Variants in TMED8 observed in about 807,000 individuals in gnomAD.
The protein encoded by TMED8 is transmembrane p24 trafficking protein family member 8.
In TMED8, 15 loss-of-function variants were observed where a neutral mutation model predicts 32.7. That is an observed-to-expected ratio of 0.46 (90% CI 0.31 to 0.71). TMED8 has a LOEUF of 0.71. Ranked by LOEUF, TMED8 falls within the 30% of genes least tolerant of loss-of-function variation. The probability of loss-of-function intolerance (pLI) is 0.06; values close to 1 mark genes in which losing one functional copy is unlikely to be tolerated. For missense variants in TMED8, 390 were observed against 423.9 expected, an observed-to-expected ratio of 0.92 and a Z score of 0.70; for synonymous variants, 147 against 161.4, an observed-to-expected ratio of 0.91 and a Z score of 0.68.
intron 1 of TMED8, among the ~76,000 whole-genome samples, chr14:77,354,079 T>G (rs1328249561): frequency 6.6e-6 from 1 of 152,214 alleles, no homozygotes; most frequent in Non-Finnish European, 1.5e-5. Context: ...CCTGTGACCA[T>G]GCTGGCTCCC....
chr14:77,343,506 A>C (rs2139602865), intron 4 of TMED8, 23 bp from the exon 5 acceptor site: 1 of 1,609,446 alleles, frequency 6.2e-7, no homozygotes, highest in South Asian at 1.1e-5. Context: ...GCAGCTTAGC[A>C]CTGAGAAACC....
chr14:77,375,065 T>C (rs140444689), intron 1 of TMED8, among the ~76,000 whole-genome samples: 7 of 152,330 alleles, frequency 4.6e-5, no homozygotes, highest in Non-Finnish European at 8.8e-5. Context: ...AAAATGATTG[T>C]TGACATGACT....
chr14:77,359,966 A>C (rs1270935663), intron 1 of TMED8: 2 of 159,272 alleles, frequency 1.3e-5, no homozygotes, highest in Non-Finnish European at 2.7e-5. Flanking sequence ...GCATTCCAAG[A>C]TTGGAACTCC....
At chr14:77,372,932 ATATATATATATATATATATATTTTTT>A (rs1893714634) in intron 1 of TMED8, among the ~76,000 whole-genome samples, 2 of 32,356 alleles carry the variant, frequency 6.2e-5, no homozygotes, top group African/African-American at 3.7e-4. Context: ...ATATATATAT[ATATATATATATATATATATATTTTTT>A]TTTTTTTTTT....
intron 3 of TMED8, among the ~76,000 whole-genome samples, chr14:77,345,210 C>A (rs1892996298): frequency 1.3e-5 from 2 of 152,150 alleles, no homozygotes; most frequent in South Asian, 4.1e-4. Context: ...TGGTCTCGAA[C>A]CCCTGACCTC....
intron 1 of TMED8, among the ~76,000 whole-genome samples, chr14:77,357,373 C>A (rs1055865785): frequency 1.8e-4 from 28 of 152,220 alleles, no homozygotes; most frequent in African/African-American, 1.9e-4. Flanking sequence ...CATTCATGAT[C>A]ATTGTCTAAA....
At chr14:77,364,391 G>GCAT (rs1893504238) in intron 1 of TMED8, among the ~76,000 whole-genome samples, 1 of 152,058 alleles carries the variant, frequency 6.6e-6, no homozygotes. Flanking sequence ...CCACAGGTAT[G>GCAT]CATCACCACA....
chr14:77,341,571 G>A lies in TMED8; in HGVS notation c.*200C>T, dbSNP rs1892899127. 1 of 604,230 alleles carries A rather than the reference G, an allele frequency of 1.7e-6. No homozygotes were observed. The highest frequency in any genetic ancestry group is 2.9e-6 in the Non-Finnish European group (1 of 339,948). 37.4% of individuals were successfully genotyped at this position (604,230 alleles called of 1,614,324 possible). The stretch of plus-strand genomic sequence containing the variant: ...AGAAGGGTATGAGTCAGGGACTACA[G>A]AACAGGGGCACTACACCACCACCTG... On this transcript the variant is annotated 3_prime_UTR_variant, in exon 6 of 6. Transcript: ENST00000216468.
At chr14:77,346,119 C>T (rs188706097) in intron 3 of TMED8, among the ~76,000 whole-genome samples, 135 of 152,268 alleles carry the variant, frequency 8.9e-4, no homozygotes, top group African/African-American at 3.0e-3. Flanking sequence ...CACTCTAACA[C>T]TTCGTTTTCT....
At chr14:77,343,970 C>T (rs1188864712) in intron 3 of TMED8, 147 bp from the exon 4 acceptor site, 49 of 755,916 alleles carry the variant, frequency 6.5e-5, no homozygotes, top group Non-Finnish European at 9.0e-5. Context: ...CCTTCTCTTT[C>T]TTCCAAATAG....
chr14:77,356,144 A>G (rs150314927), intron 1 of TMED8, among the ~76,000 whole-genome samples: 11 of 152,342 alleles, frequency 7.2e-5, no homozygotes, highest in African/African-American at 2.6e-4. Flanking sequence ...CATAGTAACA[A>G]TGAGCTCTTT....
rs1415347103 is a variant in TMED8, at chr14:77,337,821, C to G, written c.*3950G>C. On this transcript the variant is annotated 3_prime_UTR_variant, in exon 6 of 6. Transcript: ENST00000216468. The stretch of plus-strand genomic sequence containing the variant: ...ATTCTCAGCATTCTCTAATTGGACA[C>G]TTGTCAAAAGGAACAGAATGTTAGA... 4.6e-5 allele frequency: 7 copies of G among 152,326 alleles called. No homozygotes were observed. The East Asian group carries it at 1.3e-3, about 29-fold the overall frequency. 9.4% of individuals were successfully genotyped at this position (152,326 alleles called of 1,614,324 possible). A position where few individuals can be genotyped will look rare whatever the true frequency, so the allele number is the denominator to read the frequency against.
In TMED8 at chr14:77,338,075, C is replaced by T. The variant is rs1393711108; in HGVS notation, c.*3696G>A. The T allele has an allele frequency of 6.6e-6, 1 of 152,140 alleles. No individual in the cohort carries two copies. The highest frequency in any genetic ancestry group is 2.4e-5 in the African/African-American group (1 of 41,408). The allele number at this position is 152,140 out of a possible 1,614,324, so 9.4% of individuals were successfully genotyped here. ...ATTACAGGGTGCCTCATATTACCCT[C>T]TTCCCTTTGGAATTTAAATACAACT... On this transcript the variant is annotated 3_prime_UTR_variant, in exon 6 of 6. Coordinates refer to ENST00000216468, the MANE Select transcript of TMED8 (RefSeq NM_213601.3).
chr14:77,351,532 A>T, intron 2 of TMED8, 141 bp downstream of exon 2: 2 of 621,216 alleles, frequency 3.2e-6, no homozygotes, highest in Non-Finnish European at 2.6e-6. Flanking sequence ...AAGTGCTGGG[A>T]TTACAGGCGT....
intron 5 of TMED8, 108 bp from the exon 6 acceptor site, chr14:77,342,096 C>T: frequency 1.2e-6 from 1 of 842,432 alleles, no homozygotes; most frequent in Non-Finnish European, 1.9e-6. Flanking sequence ...GAGATTATTG[C>T]CCTCCTACAG....
rs115983498 is a variant in TMED8 at position 77,347,420 on chromosome 14, C to A, written c.198-942G>T. Among the ~76,000 whole-genome samples the A allele has an allele frequency of 4.9e-3, 744 of 152,336 alleles. 3 individuals are homozygous for A. Among genetic ancestry groups the A allele is most frequent in the African/African-American group, 0.017 (693 of 41,566 alleles). ...TTTTTAAAGCACATTAATCAACAAT[C>A]CCAATGGCTTCAAACACAGCTATGT... is the stretch of plus-strand genomic sequence containing the variant. On this transcript the variant is annotated intron_variant, in intron 2 of 5. Coordinates refer to ENST00000216468, the MANE Select transcript of TMED8 (RefSeq NM_213601.3).
At chr14:77,368,976 T>C (rs1479501070) in intron 1 of TMED8, among the ~76,000 whole-genome samples, 3 of 152,212 alleles carry the variant, frequency 2.0e-5, no homozygotes, top group Admixed American at 6.5e-5. Flanking sequence ...TTTCACTATA[T>C]TGAGATCCGA....
chr14:77,362,771 A>C (rs753094392), intron 1 of TMED8, among the ~76,000 whole-genome samples: 50 of 152,214 alleles, frequency 3.3e-4, no homozygotes, highest in Non-Finnish European at 6.6e-4. Context: ...TACAGGCTGA[A>C]AGTGGAAGAA....
chr14:77,350,181 G>A (rs1893146646), intron 2 of TMED8, among the ~76,000 whole-genome samples: 1 of 151,992 alleles, frequency 6.6e-6, no homozygotes, highest in African/African-American at 2.4e-5. Context: ...AGTTGCATAT[G>A]GGGGGTCTAT....
Sources: gnomAD v4.1 joint callset for allele counts (sites outside exome capture counted in the v4.1 genomes callset) on GRCh38, gnomAD v4.1.1 for gene constraint, MANE v1.5 for transcripts, NCBI Gene and HGNC (gene_info 2026-07-23, HGNC 2026-07-21) for gene names.